Variants in MAGI1 observed in about 807,000 individuals in gnomAD.
MAGI1 encodes the protein membrane associated guanylate kinase, WW and PDZ domain containing 1.
A neutral mutation model predicts 139.9 loss-of-function variants in MAGI1; 58 were observed. That is an observed-to-expected ratio of 0.41 (90% confidence interval 0.34 to 0.52). MAGI1 has a LOEUF of 0.52. Ranked by LOEUF, MAGI1 falls within the 20% of genes least tolerant of loss-of-function variation. The pLI, the probability that MAGI1 is intolerant of heterozygous loss-of-function variation, is 0.12. For synonymous variants in MAGI1, 812 were observed against 737.9 expected (o/e 1.10, Z -1.63); for missense variants, 1,874 against 1,901.6 (o/e 0.99, Z 0.27).
At chr3:65,801,615 C>T (rs915909882) in intron 1 of MAGI1, among the ~76,000 whole-genome samples, 1 of 152,140 alleles carries the variant, frequency 6.6e-6, no homozygotes, top group Non-Finnish European at 1.5e-5. Context: ...TCTAACAGCT[C>T]CTCGACCAAT....
chr3:65,481,973 A>G (rs1437751611), intron 3 of MAGI1, among the ~76,000 whole-genome samples: 2 of 152,230 alleles, frequency 1.3e-5, no homozygotes, highest in Non-Finnish European at 2.9e-5. Flanking sequence ...CATTGAATGG[A>G]GGCAGATAAA....
intron 2 of MAGI1, among the ~76,000 whole-genome samples, chr3:65,501,331 T>C (rs796348495): frequency 7.3e-5 from 11 of 151,410 alleles, no homozygotes; most frequent in African/African-American, 1.5e-4. Context: ...ATAGAAAAAT[T>C]AGTGGTGGCA....
intron 2 of MAGI1, among the ~76,000 whole-genome samples, chr3:65,591,405 T>C (rs1280919143): frequency 2.0e-5 from 3 of 152,170 alleles, no homozygotes; most frequent in Admixed American, 6.5e-5. Flanking sequence ...AAAATATATA[T>C]AACCACTTTG....
intron 1 of MAGI1, among the ~76,000 whole-genome samples, chr3:65,818,043 A>AGTGTGT (rs57082137): frequency 0.057 from 8,536 of 149,004 alleles, 385 homozygotes; most frequent in Admixed American, 0.16. Flanking sequence ...TAAAATTATG[A>AGTGTGT]GTGTGTGTGT....
chr3:65,491,439 T>C (rs1211390122), intron 3 of MAGI1, among the ~76,000 whole-genome samples: 1 of 152,152 alleles, frequency 6.6e-6, no homozygotes, highest in Middle Eastern at 3.4e-3. Flanking sequence ...AAATCACAAG[T>C]TTTTCCTTTC....
At chr3:65,963,593 G>C (rs1158601541) in intron 1 of MAGI1, among the ~76,000 whole-genome samples, 2 of 152,174 alleles carry the variant, frequency 1.3e-5, no homozygotes, top group Admixed American at 6.6e-5. Context: ...TCCAGCCTAG[G>C]TGACAAAGCG....
intron 1 of MAGI1, among the ~76,000 whole-genome samples, chr3:65,786,595 G>A (rs1272687590): frequency 1.4e-5 from 2 of 145,202 alleles, no homozygotes; most frequent in African/African-American, 5.0e-5. Flanking sequence ...GAGACACCAC[G>A]CCTGGCCCAA....
chr3:65,468,870 A>G (rs1451821903), intron 5 of MAGI1, among the ~76,000 whole-genome samples: 1 of 151,786 alleles, frequency 6.6e-6, no homozygotes, highest in Non-Finnish European at 1.5e-5. Flanking sequence ...TGGGAGATAG[A>G]GGCTGCAGTG....
chr3:65,631,028 A>G (rs944485914), intron 1 of MAGI1, among the ~76,000 whole-genome samples: 1 of 152,244 alleles, frequency 6.6e-6, no homozygotes, highest in African/African-American at 2.4e-5. Flanking sequence ...GCAGTTGTGT[A>G]GTGTGTATGC....
chr3:65,794,013 G>A (rs761762423), intron 1 of MAGI1, among the ~76,000 whole-genome samples: 12 of 152,092 alleles, frequency 7.9e-5, no homozygotes, highest in African/African-American at 2.2e-4. Context: ...CTTTTTCCTC[G>A]GAGCAAGACA....
At chr3:65,895,867 T>C (rs2060019) in intron 1 of MAGI1, among the ~76,000 whole-genome samples, 62,361 of 152,098 alleles carry the variant, frequency 0.41, 12,992 homozygotes, top group East Asian at 0.63. Flanking sequence ...CTATAGCAAG[T>C]AATATTTCCC....
At chr3:65,838,320 C>CAAAACA (rs905725949) in intron 1 of MAGI1, among the ~76,000 whole-genome samples, 19 of 152,098 alleles carry the variant, frequency 1.2e-4, no homozygotes, top group Non-Finnish European at 2.5e-4. Flanking sequence ...CAAAACAAAA[C>CAAAACA]AAAACAAAAA....
intron 1 of MAGI1, among the ~76,000 whole-genome samples, chr3:65,897,847 A>G (rs969163974): frequency 6.6e-6 from 1 of 151,436 alleles, no homozygotes; most frequent in Non-Finnish European, 1.5e-5. Flanking sequence ...TGAGCAACAG[A>G]GTAAAATCCT....
At chr3:65,886,324 A>T (rs1008154500) in intron 1 of MAGI1, among the ~76,000 whole-genome samples, 2 of 152,036 alleles carry the variant, frequency 1.3e-5, no homozygotes, top group Non-Finnish European at 2.9e-5. Flanking sequence ...CTAAATAGCA[A>T]TTTTTTTTCA....
intron 1 of MAGI1, among the ~76,000 whole-genome samples, chr3:66,025,268 G>C (rs1374115450): frequency 6.6e-6 from 1 of 152,216 alleles, no homozygotes; most frequent in Non-Finnish European, 1.5e-5. Context: ...GCCAGGCACA[G>C]TGGCCCACGC....
At chr3:65,415,724 G>T (rs1473088411) in intron 12 of MAGI1, among the ~76,000 whole-genome samples, 1 of 152,216 alleles carries the variant, frequency 6.6e-6, no homozygotes, top group African/African-American at 2.4e-5. Context: ...CCAAATGGGT[G>T]TTGAAGGGGT....
chr3:65,579,228 A>C (rs2081311202), intron 2 of MAGI1, among the ~76,000 whole-genome samples: 1 of 152,134 alleles, frequency 6.6e-6, no homozygotes. Flanking sequence ...AGGCTTAGCA[A>C]GACCAGGTGA....
chr3:65,903,392 A>C (rs2061316157), intron 1 of MAGI1, among the ~76,000 whole-genome samples: 1 of 152,144 alleles, frequency 6.6e-6, no homozygotes, highest in South Asian at 2.1e-4. Flanking sequence ...GACTGTGGGC[A>C]AGTAACTTCT....
intron 4 of MAGI1, among the ~76,000 whole-genome samples, chr3:65,477,964 A>C (rs1439901775): frequency 1.3e-5 from 2 of 151,734 alleles, no homozygotes; most frequent in South Asian, 2.1e-4. Flanking sequence ...AATATAGATA[A>C]AATATATATA....
Sources: allele counts gnomAD v4.1 joint callset (sites outside exome capture counted in the v4.1 genomes callset), GRCh38; gene constraint gnomAD v4.1.1; transcripts MANE v1.5; gene names NCBI Gene and HGNC (gene_info 2026-07-23, HGNC 2026-07-21).